Variants in RAD51B observed in about 807,000 individuals in gnomAD.
RAD51B encodes RAD51 paralog B.
RAD51B carries 38 observed loss-of-function variants against 42.2 expected under a neutral mutation model. The observed-to-expected ratio is 0.90, with a 90% CI of 0.70 to 1.18. The LOEUF is 1.18. RAD51B is among the 50% of genes most tolerant of loss of function. The pLI, the probability that RAD51B is intolerant of heterozygous loss-of-function variation, is 0.00. For missense variants in RAD51B, 373 were observed against 400.7 expected (o/e 0.93, Z 0.59); for synonymous variants, 154 against 145.2 (o/e 1.06, Z -0.43).
At chr14:68,017,156 G>GT (rs908448118) in intron 7 of RAD51B, among the ~76,000 whole-genome samples, 5 of 151,866 alleles carry the variant, frequency 3.3e-5, no homozygotes, top group Non-Finnish European at 7.4e-5. Context: ...TATAGCTCTA[G>GT]TTTTTTGTTG....
intron 9 of RAD51B, among the ~76,000 whole-genome samples, chr14:68,449,693 A>AGTTTTT (rs1443666754): frequency 6.6e-6 from 1 of 151,778 alleles, no homozygotes; most frequent in African/African-American, 2.4e-5. Flanking sequence ...TGCTAAACCT[A>AGTTTTT]GTTTTTGTTT....
chr14:68,295,818 G>A (rs2081603170), intron 8 of RAD51B, among the ~76,000 whole-genome samples: 1 of 152,176 alleles, frequency 6.6e-6, no homozygotes, highest in African/African-American at 2.4e-5. Context: ...AGGGAGCACT[G>A]TTTAAGCAGT....
Position 68,419,131 on chromosome 14 carries a change from G to A in RAD51B, c.957+7604G>A, listed in dbSNP as rs552099395. 7.2e-5 allele frequency among the ~76,000 whole-genome samples: 11 copies of A among 152,284 alleles called. No individual in the cohort carries two copies. The East Asian group carries it at 1.9e-3, about 27-fold the overall frequency. ...AGCACTTTGGGTGATTCTTACATGG[G>A]TGTTCTTCAGTTTCATACTCCATTC... On this transcript the variant is annotated intron_variant, in intron 9 of 10. Transcript: ENST00000471583.
intron 8 of RAD51B, among the ~76,000 whole-genome samples, chr14:68,347,868 T>G (rs1414845385): frequency 6.6e-6 from 1 of 152,174 alleles, no homozygotes; most frequent in African/African-American, 2.4e-5. Flanking sequence ...GAGAGGACTT[T>G]AAAGTGTTAG....
chr14:68,566,057 G>C (rs150523627), intron 10 of RAD51B, among the ~76,000 whole-genome samples: 4 of 152,302 alleles, frequency 2.6e-5, no homozygotes, highest in Admixed American at 1.3e-4. Context: ...ACCTCACTTC[G>C]CTGGGCCTTG....
At chr14:68,320,659 A>G (rs1022778737) in intron 8 of RAD51B, among the ~76,000 whole-genome samples, 1 of 149,846 alleles carries the variant, frequency 6.7e-6, no homozygotes, top group African/African-American at 2.4e-5. Context: ...GAACCAACAC[A>G]TATTCCTTCT....
At chr14:68,488,353 G>C (rs1467845196) in intron 10 of RAD51B, among the ~76,000 whole-genome samples, 1 of 152,046 alleles carries the variant, frequency 6.6e-6, no homozygotes, top group Non-Finnish European at 1.5e-5. Context: ...ATATAAAGGG[G>C]CACCAGTTAC....
At chr14:68,572,372 C>T (rs1055393956) in intron 10 of RAD51B, among the ~76,000 whole-genome samples, 1 of 152,258 alleles carries the variant, frequency 6.6e-6, no homozygotes, top group South Asian at 2.1e-4. Context: ...CAGCAGCTGC[C>T]TTGCTTTCCT....
At chr14:68,608,715 A>G (rs1368633416) in intron 10 of RAD51B, among the ~76,000 whole-genome samples, 1 of 152,124 alleles carries the variant, frequency 6.6e-6, no homozygotes, top group Non-Finnish European at 1.5e-5. Context: ...AGTGGGGTTA[A>G]GTGAGCATGA....
chr14:68,539,232 T>A (rs1887818020), intron 10 of RAD51B, among the ~76,000 whole-genome samples: 1 of 152,212 alleles, frequency 6.6e-6, no homozygotes, highest in Non-Finnish European at 1.5e-5. Context: ...TTTCTCACTT[T>A]GACCCCAGTG....
intron 7 of RAD51B, among the ~76,000 whole-genome samples, chr14:68,125,959 A>C (rs576443259): frequency 6.6e-6 from 1 of 152,290 alleles, no homozygotes; most frequent in East Asian, 1.9e-4. Flanking sequence ...TCAAAATGAT[A>C]CTTAAGAAGT....
chr14:68,579,994 G>A (rs1890139143), intron 10 of RAD51B, among the ~76,000 whole-genome samples: 1 of 152,204 alleles, frequency 6.6e-6, no homozygotes, highest in Non-Finnish European at 1.5e-5. Flanking sequence ...AAGTGGAGGT[G>A]GGGGACAGGA....
At chr14:67,928,756 T>C (rs1013456654) in intron 7 of RAD51B, among the ~76,000 whole-genome samples, 1 of 152,012 alleles carries the variant, frequency 6.6e-6, no homozygotes, top group African/African-American at 2.4e-5. Flanking sequence ...AAGAAATGGT[T>C]TGGGGGTTGC....
At chr14:68,371,511 C>T (rs916199954) in intron 8 of RAD51B, among the ~76,000 whole-genome samples, 1 of 151,252 alleles carries the variant, frequency 6.6e-6, no homozygotes, top group African/African-American at 2.4e-5. Flanking sequence ...AATGAGACTC[C>T]ATCTGAAGAA....
At chr14:67,918,374 G>A (rs2044222820) in intron 7 of RAD51B, among the ~76,000 whole-genome samples, 2 of 152,010 alleles carry the variant, frequency 1.3e-5, no homozygotes, top group Admixed American at 1.3e-4. Flanking sequence ...AGCTGGGATT[G>A]TGGGCATGCA....
intron 9 of RAD51B, among the ~76,000 whole-genome samples, chr14:68,443,809 C>T (rs2085356607): frequency 6.6e-6 from 1 of 150,528 alleles, no homozygotes; most frequent in African/African-American, 2.4e-5. Flanking sequence ...TCAAGGACTG[C>T]ATTTTCCTAT....
At position 67,877,382 on chromosome 14, in the gene RAD51B, T is replaced by C. The variant is rs574983752; in HGVS notation, c.453-8487T>C. 3.9e-5 allele frequency among the ~76,000 whole-genome samples: 6 copies of C among 152,280 alleles called. No individual in the cohort carries two copies. The East Asian group carries it at 9.7e-4, about 25-fold the overall frequency. On this transcript the variant is annotated intron_variant, in intron 5 of 10. Transcript: ENST00000471583. ...AAGATAGCTGAGAGGTGAACTCATATCCTCTTTCCACTGAACTGTGGTTGG... is the reference window on the plus strand; with the variant it reads ...AAGATAGCTGAGAGGTGAACTCATACCCTCTTTCCACTGAACTGTGGTTGG...
At chr14:68,088,920 C>A (rs1305188592) in intron 7 of RAD51B, among the ~76,000 whole-genome samples, 2 of 152,082 alleles carry the variant, frequency 1.3e-5, no homozygotes, top group African/African-American at 2.4e-5. Context: ...TCTTATGCTT[C>A]ATTTCTGTTC....
At chr14:68,300,151 A>G (rs1222379647) in intron 8 of RAD51B, among the ~76,000 whole-genome samples, 1 of 152,214 alleles carries the variant, frequency 6.6e-6, no homozygotes, top group Non-Finnish European at 1.5e-5. Flanking sequence ...AGCAGATATT[A>G]TAAGTTTGTT....
Sources: gnomAD v4.1 joint callset for allele counts (sites outside exome capture counted in the v4.1 genomes callset) on GRCh38, gnomAD v4.1.1 for gene constraint, MANE v1.5 for transcripts, NCBI Gene and HGNC (gene_info 2026-07-23, HGNC 2026-07-21) for gene names.